Variants in BTRC observed in about 807,000 individuals in gnomAD.
The protein encoded by BTRC is beta-transducin repeat containing E3 ubiquitin protein ligase.
BTRC carries 42 observed loss-of-function variants against 85.5 expected under a neutral mutation model. The ratio of observed to expected loss-of-function variants is 0.49; its 90% confidence interval spans 0.38 to 0.64. The LOEUF (loss-of-function observed/expected upper bound fraction) is 0.64. Among genes scored for constraint, BTRC ranks in the 30% least tolerant of loss-of-function variants. The pLI is 0.00. For missense variants in BTRC, 594 were observed against 743.5 expected (o/e 0.80, Z 2.34); for synonymous variants, 255 against 263.3 (o/e 0.97, Z 0.30).
Position 101,367,048 on chromosome 10 carries a change from A to ATC in BTRC, c.48+12821_48+12822insCT, listed in dbSNP as rs1564730908. The stretch of plus-strand genomic sequence containing the variant: ...TTTATATATTTATATATATAAATAT[A>ATC]TATATATATAAATATAAATATATAT... On this transcript the variant is annotated intron_variant, in intron 1 of 14. Coordinates refer to ENST00000370187, the MANE Select transcript of BTRC (RefSeq NM_033637.4). 3.9e-4 allele frequency among the ~76,000 whole-genome samples: 37 copies of ATC among 95,776 alleles called. 5 individuals are homozygous for ATC. In the East Asian group the frequency reaches 8.5e-3, roughly 22 times the overall value. 62.8% of individuals were successfully genotyped at this position (95,776 alleles called of 152,430 possible).
intron 13 of BTRC, among the ~76,000 whole-genome samples, chr10:101,544,144 CG>C (rs2062521065): frequency 6.6e-6 from 1 of 152,100 alleles, no homozygotes; most frequent in African/African-American, 2.4e-5. Context: ...CTCCTGACCT[CG>C]TGATCCGCCC....
At chr10:101,473,083 C>T (rs1156570746) in intron 3 of BTRC, among the ~76,000 whole-genome samples, 4 of 151,914 alleles carry the variant, frequency 2.6e-5, no homozygotes, top group Non-Finnish European at 5.9e-5. Flanking sequence ...ACTCCAGCCA[C>T]GCATATATTC....
rs777643075 is a variant in BTRC, at chr10:101,462,079, T to G, written c.234+21T>G. On this transcript the variant is annotated intron_variant, in intron 3 of 14. Transcript: ENST00000370187. Reference sequence around the variant, plus strand: ...GACAGGTATGAAATTCAGCCTTACTTAAAATAAAAAGCTACCAACAGCAAA... The same window carrying G: ...GACAGGTATGAAATTCAGCCTTACTGAAAATAAAAAGCTACCAACAGCAAA... 8.3e-6 allele frequency: 13 copies of G among 1,566,844 alleles called. No homozygotes were observed. In the South Asian group the frequency reaches 1.5e-4, roughly 18 times the overall value.
rs1946300728 is a variant in BTRC at position 101,497,791 on chromosome 10, G to C, written c.324+18334G>C. Among the ~76,000 whole-genome samples, 2 of 152,202 alleles carry C rather than the reference G, an allele frequency of 1.3e-5. 1 individual carries two copies. Among genetic ancestry groups the C allele is most frequent in the South Asian group, 4.2e-4 (2 of 4,818 alleles). On this transcript the variant is annotated intron_variant, in intron 4 of 14. Coordinates refer to ENST00000370187, the MANE Select transcript of BTRC (RefSeq NM_033637.4). ...AATCCCAGCACTTTGGGAGGCCAAC[G>C]CGGGCATGTCACAAGGTCAAGAGAT...
At chr10:101,471,753 G>T (rs1261863761) in intron 3 of BTRC, among the ~76,000 whole-genome samples, 2 of 152,110 alleles carry the variant, frequency 1.3e-5, no homozygotes, top group African/African-American at 2.4e-5. Flanking sequence ...TTAAATTTAT[G>T]TGGCAAGATG....
intron 1 of BTRC, among the ~76,000 whole-genome samples, chr10:101,421,172 A>G (rs1589446211): frequency 6.6e-6 from 1 of 152,108 alleles, no homozygotes; most frequent in East Asian, 1.9e-4. Flanking sequence ...TCAGTTATCC[A>G]GTCCTGTTGA....
intron 7 of BTRC, 36 bp from the exon 8 acceptor site, chr10:101,532,259 T>C: frequency 6.3e-7 from 1 of 1,588,402 alleles, no homozygotes; most frequent in African/African-American, 1.3e-5. Flanking sequence ...TCTAGGTGTT[T>C]CCTAACACTG....
chr10:101,545,925 C>T (rs1339786188), intron 13 of BTRC, among the ~76,000 whole-genome samples: 1 of 152,182 alleles, frequency 6.6e-6, no homozygotes, highest in Admixed American at 6.5e-5. Flanking sequence ...GAAGACCTAA[C>T]AATCCTTAAT....
intron 2 of BTRC, among the ~76,000 whole-genome samples, chr10:101,457,867 A>G (rs1306830755): frequency 1.3e-5 from 2 of 152,222 alleles, no homozygotes; most frequent in African/African-American, 4.8e-5. Context: ...AGACAAGTGA[A>G]AAGAATAGCA....
At chr10:101,382,914 T>A (rs986065780) in intron 1 of BTRC, among the ~76,000 whole-genome samples, 1 of 152,170 alleles carries the variant, frequency 6.6e-6, no homozygotes, top group African/African-American at 2.4e-5. Context: ...CTTTTTACAT[T>A]GTAAAAAAGA....
In BTRC at chr10:101,389,117, GTGTTTTTT is replaced by G. The variant is rs1465682939; in HGVS notation, c.48+34891_48+34898del. Among the ~76,000 whole-genome samples the G allele has an allele frequency of 1.5e-4, 8 of 53,046 alleles. 1 individual carries two copies. The highest frequency in any genetic ancestry group is 7.4e-4 in the Admixed American group (3 of 4,078). The allele number at this position is 53,046 out of a possible 152,430, so 34.8% of individuals were successfully genotyped here. On this transcript the variant is annotated intron_variant, in intron 1 of 14. Coordinates refer to ENST00000370187, the MANE Select transcript of BTRC (RefSeq NM_033637.4). ...GTTGCATAATTGTGATTTTTTGTGT[GTGTTTTTT>G]TTTTTTTTTTTTTTTTTTTTTTTGC...
At chr10:101,433,550 T>C (rs1420653005) in intron 2 of BTRC, among the ~76,000 whole-genome samples, 2 of 152,176 alleles carry the variant, frequency 1.3e-5, no homozygotes, top group Admixed American at 6.5e-5. Flanking sequence ...CCAGTGAGGC[T>C]TGGTGCATTT....
At chr10:101,489,727 T>A (rs1946080671) in intron 4 of BTRC, among the ~76,000 whole-genome samples, 1 of 152,164 alleles carries the variant, frequency 6.6e-6, no homozygotes, top group African/African-American at 2.4e-5. Flanking sequence ...ATTTTTTCCT[T>A]TTTCCTAAAA....
At chr10:101,486,294 A>G (rs1411770774) in intron 4 of BTRC, among the ~76,000 whole-genome samples, 1 of 152,214 alleles carries the variant, frequency 6.6e-6, no homozygotes, top group Admixed American at 6.5e-5. Flanking sequence ...CGTCGGCAAG[A>G]GTCCGCATAA....
At chr10:101,453,567 A>G (rs1420183421) in intron 2 of BTRC, 5 of 152,238 alleles carry the variant, frequency 3.3e-5, no homozygotes, top group African/African-American at 1.2e-4. Flanking sequence ...GTAAGTCATT[A>G]TGAGTGGCTT....
At chr10:101,427,159 C>T (rs1211985716) in intron 1 of BTRC, among the ~76,000 whole-genome samples, 22 of 140,706 alleles carry the variant, frequency 1.6e-4, no homozygotes, top group Non-Finnish European at 2.7e-4. Context: ...TGTTCTGTCG[C>T]CAGGCTGGAG....
At chr10:101,519,291 G>A (rs962613648) in intron 4 of BTRC, among the ~76,000 whole-genome samples, 16 of 151,906 alleles carry the variant, frequency 1.1e-4, no homozygotes, top group Admixed American at 5.2e-4. Flanking sequence ...TGTTGGCCAG[G>A]CTGTTGTCAA....
intron 2 of BTRC, among the ~76,000 whole-genome samples, chr10:101,434,942 GATT>G (rs1016715324): frequency 4.6e-5 from 7 of 151,922 alleles, no homozygotes; most frequent in African/African-American, 1.7e-4. Context: ...GCCTCAACAA[GATT>G]ATTATTATGT....
chr10:101,479,868 T>C (rs561730075), intron 4 of BTRC, among the ~76,000 whole-genome samples: 1 of 152,358 alleles, frequency 6.6e-6, no homozygotes, highest in African/African-American at 2.4e-5. Context: ...TATTATTATT[T>C]ATTGAGTGGC....
Sources: gnomAD v4.1 joint callset for allele counts (sites outside exome capture counted in the v4.1 genomes callset) on GRCh38, gnomAD v4.1.1 for gene constraint, MANE v1.5 for transcripts, NCBI Gene and HGNC (gene_info 2026-07-23, HGNC 2026-07-21) for gene names.